The following TPM3 variants were observed in gnomAD, a reference collection of about 807,000 sequenced individuals.
The protein encoded by TPM3 is tropomyosin 3.
In TPM3, 16 loss-of-function variants were observed where a neutral mutation model predicts 43.1. The observed-to-expected ratio is 0.37, with a 90% CI of 0.25 to 0.56. The LOEUF (loss-of-function observed/expected upper bound fraction) is 0.56, where lower values mean the gene tolerates loss of function less well. TPM3 is among the 20% of genes least tolerant of loss of function. TPM3 has a pLI of 0.77. For missense variants in TPM3, 176 were observed against 337.2 expected, an observed-to-expected ratio of 0.52 and a Z score of 3.74; for synonymous variants, 101 against 116.9, an observed-to-expected ratio of 0.86 and a Z score of 0.88.
chr1:154,178,200 G>A, intron 2 of TPM3: 1 of 985,474 alleles, frequency 1.0e-6, no homozygotes, highest in South Asian at 4.7e-5. Context: ...TACCCAAACT[G>A]GAGTAGAAGA....
chr1:154,169,159 C>T, intron 9 of TPM3, 146 bp downstream of exon 9: 1 of 966,080 alleles, frequency 1.0e-6, no homozygotes, highest in South Asian at 1.4e-5. Flanking sequence ...TTTTGCCAAA[C>T]AAATAACCAG....
Position 154,162,936 on chromosome 1 carries a change from G to C in TPM3, c.*5001C>G, listed in dbSNP as rs768512018. Among the ~76,000 whole-genome samples, 1 of 151,574 alleles carries C rather than the reference G, an allele frequency of 6.6e-6. No individual in the cohort carries two copies. The highest frequency in any genetic ancestry group is 1.5e-5 in the Non-Finnish European group (1 of 67,918). ...TTTTTCTCTCCTGCCTCAGCCTCTC[G>C]AGTAGTTGGGACTACAGGCATGTGC... On this transcript the variant is annotated 3_prime_UTR_variant, in exon 10 of 10. Transcript: ENST00000651641.
At position 154,170,437 on chromosome 1, in the gene TPM3, C is replaced by G; in HGVS notation, c.738G>C (p.Ser246=). The G allele has an allele frequency of 1.2e-6, 2 of 1,614,118 alleles. No individual in the cohort carries two copies. Among genetic ancestry groups the G allele is most frequent in the Non-Finnish European group, 1.7e-6 (2 of 1,180,020 alleles). The change falls in exon 8 of 10, where the codon TCG becomes TCC. Residue 246 remains serine (S), a synonymous_variant. Coordinates refer to ENST00000651641, the MANE Select transcript of TPM3 (RefSeq NM_152263.4). ...CAATTGTCTTTTCCAGCTTGGCTAC[C>G]GATCTCTCAGCAAACTCAGCACGGG... ...AETRAEFAER[S]VAKLEKTIDD... is the part of the protein sequence containing the mutation.
intron 2 of TPM3, among the ~76,000 whole-genome samples, chr1:154,181,407 T>C (rs191320804): frequency 1.3e-5 from 2 of 151,892 alleles, no homozygotes; most frequent in African/African-American, 4.8e-5. Context: ...AAACAAAAAC[T>C]TACCAAGGGA....
Position 154,164,176 on chromosome 1 carries a change from T to C in TPM3, c.*3761A>G, listed in dbSNP as rs1660708143. 2.6e-5 allele frequency among the ~76,000 whole-genome samples: 4 copies of C among 152,016 alleles called. No homozygotes were observed. Among genetic ancestry groups the C allele is most frequent in the Non-Finnish European group, 4.4e-5 (3 of 67,978 alleles). On this transcript the variant is annotated 3_prime_UTR_variant, in exon 10 of 10. Coordinates refer to ENST00000651641, the MANE Select transcript of TPM3 (RefSeq NM_152263.4). ...TTAACCCCACCACTTTCCTACTCTT[T>C]TTTTGGGGGGGGTCTCATTCTGCCA...
intron 2 of TPM3, among the ~76,000 whole-genome samples, chr1:154,181,788 G>T (rs1662977909): frequency 6.6e-6 from 1 of 152,122 alleles, no homozygotes; most frequent in African/African-American, 2.4e-5. Flanking sequence ...AGACTTGGTG[G>T]CGGGCACCTG....
chr1:154,155,565 C>T (rs1659715206), downstream of TPM3: 2 of 234,562 alleles, frequency 8.5e-6, no homozygotes, highest in South Asian at 1.7e-4. Flanking sequence ...CAGACACTGG[C>T]GTCTCAAAAG....
chr1:154,162,278 T>A lies in TPM3; in HGVS notation c.*5659A>T, dbSNP rs1660451654. ...TATTCAGGAGGCTGAGGCAGGAGGA[T>A]CACTTAAACCCAGGAGGCGGAGCTT... On this transcript the variant is annotated 3_prime_UTR_variant, in exon 10 of 10. Coordinates refer to ENST00000651641, the MANE Select transcript of TPM3 (RefSeq NM_152263.4). Among the ~76,000 whole-genome samples the A allele has an allele frequency of 7.0e-6, 1 of 142,674 alleles. No individual in the cohort carries two copies. Among genetic ancestry groups the A allele is most frequent in the African/African-American group, 2.6e-5 (1 of 38,140 alleles). The allele number at this position is 142,674 out of a possible 152,430, so 93.6% of individuals were successfully genotyped here. A position where few individuals can be genotyped will look rare whatever the true frequency, so the allele number is the denominator to read the frequency against.
chr1:154,191,912 C>A lies in TPM3; in HGVS notation c.107G>T (p.Arg36Ile). The A allele has an allele frequency of 1.9e-6, 3 of 1,613,666 alleles. No homozygotes were observed. The highest frequency in any genetic ancestry group is 1.6e-4 in the Middle Eastern group (1 of 6,062). ...AATGCCAGTGCCTACCTGTTTACTT[C>A]TTTCTTCTGCCTGCTTCTGCTCAGC... ...AEAEQKQAEE[R>I]SKQLEDELAA... Residue 36 changes from arginine to isoleucine, a missense_variant, in exon 1 of 10, where the codon AGA (arginine) becomes ATA (isoleucine). Around this residue, in one of 4 missense-constraint regions of TPM3, gnomAD observed 82 missense variants for 148.8 expected, o/e 0.55. Coordinates refer to ENST00000651641, the MANE Select transcript of TPM3 (RefSeq NM_152263.4).
chr1:154,172,707 C>T (rs1661739610), intron 5 of TPM3: 7 of 665,256 alleles, frequency 1.1e-5, no homozygotes, highest in Non-Finnish European at 1.9e-5. Flanking sequence ...ATAAGAAAGC[C>T]TCTTTTGTCA....
At position 154,170,636 on chromosome 1, in the gene TPM3, C is replaced by A; in HGVS notation, c.705+13G>T. 6.2e-7 allele frequency: 1 copy of A among 1,612,594 alleles called. No individual in the cohort carries two copies. Among genetic ancestry groups the A allele is most frequent in the South Asian group, 1.1e-5 (1 of 91,046 alleles). ...ATGTTTTGGGTTCTGCCCTATAAAT[C>A]CCCTCAGCTCACCTCCTTGAGTTTA... On this transcript the variant is annotated intron_variant, in intron 7 of 9. Coordinates refer to ENST00000651641, the MANE Select transcript of TPM3 (RefSeq NM_152263.4).
chr1:154,170,258 T>A, intron 8 of TPM3, 142 bp downstream of exon 8: 1 of 866,104 alleles, frequency 1.2e-6, no homozygotes, highest in Non-Finnish European at 1.9e-6. Flanking sequence ...TTTGCCTAGC[T>A]GTGGCATAGG....
At chr1:154,181,083 G>T (rs1231640934) in intron 2 of TPM3, among the ~76,000 whole-genome samples, 1 of 152,176 alleles carries the variant, frequency 6.6e-6, no homozygotes, top group Non-Finnish European at 1.5e-5. Context: ...GAACAAAGGA[G>T]ATGAGAAAGT....
intron 8 of TPM3, 176 bp from the exon 9 acceptor site, chr1:154,169,559 C>T: frequency 1.5e-6 from 1 of 650,232 alleles, no homozygotes; most frequent in Non-Finnish European, 2.7e-6. Flanking sequence ...TCTACTCTCT[C>T]CTATGACCAA....
At position 154,168,817 on chromosome 1, in the gene TPM3, C is replaced by T. The variant is rs982345931; in HGVS notation, c.854+488G>A. On this transcript the variant is annotated intron_variant, in intron 9 of 9. Coordinates refer to ENST00000651641, the MANE Select transcript of TPM3 (RefSeq NM_152263.4). ...CTGGGATCACAGGTGTGAGCCACTACGCCCAGCCTTTAATGTTTTTCTTTT... is the reference window on the plus strand; with the variant it reads ...CTGGGATCACAGGTGTGAGCCACTATGCCCAGCCTTTAATGTTTTTCTTTT... Among the ~76,000 whole-genome samples, 17 of 151,850 alleles carry T rather than the reference C, an allele frequency of 1.1e-4. 1 individual carries two copies. The highest frequency in any genetic ancestry group is 3.9e-4 in the East Asian group (2 of 5,168).
chr1:154,183,359 G>C (rs1663204128), intron 2 of TPM3: 1 of 1,382,882 alleles, frequency 7.2e-7, no homozygotes, highest in Non-Finnish European at 9.5e-7. Flanking sequence ...ACGGCTCCCG[G>C]CCTTACCTTG....
At position 154,172,706 on chromosome 1, in the gene TPM3, C is replaced by G. The variant is rs1375644730; in HGVS notation, c.566+202G>C. On this transcript the variant is annotated intron_variant, in intron 5 of 9. Transcript: ENST00000651641. ...ACCCTACCAACAAAAAATAAGAAAG[C>G]CTCTTTTGTCACTTGTCACTAGTCA... The G allele has an allele frequency of 7.6e-6, 5 of 659,562 alleles. No homozygotes were observed. The East Asian group carries it at 1.4e-4, about 18-fold the overall frequency. 40.9% of individuals were successfully genotyped at this position (659,562 alleles called of 1,614,324 possible).
At chr1:154,183,272 C>T in intron 2 of TPM3, 5 of 1,516,818 alleles carry the variant, frequency 3.3e-6, no homozygotes, top group Non-Finnish European at 4.4e-6. Flanking sequence ...CGCCCTCCCA[C>T]CGCCAGGCAG....
chr1:154,180,351 C>T (rs1662809454), intron 2 of TPM3, among the ~76,000 whole-genome samples: 1 of 152,146 alleles, frequency 6.6e-6, no homozygotes, highest in Non-Finnish European at 1.5e-5. Context: ...TCTGCAAAAC[C>T]CACATTCCAG....
Sources: gnomAD v4.1 joint callset for allele counts (sites outside exome capture counted in the v4.1 genomes callset) on GRCh38, gnomAD v4.1.1 for gene constraint, gnomAD v4.1.1 regional missense constraint, MANE v1.5 for transcripts, NCBI Gene and HGNC (gene_info 2026-07-23, HGNC 2026-07-21) for gene names.